SPARC: variants seen among roughly 807,000 people sequenced by gnomAD.
The protein encoded by SPARC is basement-membrane protein 40.
Under a neutral mutation model 37.7 loss-of-function variants are expected in SPARC, and 23 were observed. The observed-to-expected ratio is 0.61, with a 90% CI of 0.44 to 0.87. The LOEUF (loss-of-function observed/expected upper bound fraction) is 0.87, where lower values mean the gene tolerates loss of function less well. SPARC is among the 40% of genes least tolerant of loss of function. The probability of loss-of-function intolerance (pLI) is 0.00; values close to 1 mark genes in which losing one functional copy is unlikely to be tolerated. For synonymous variants in SPARC, 155 were observed against 150.8 expected (o/e 1.03, Z -0.20); for missense variants, 312 against 389.0 (o/e 0.80, Z 1.66).
At chr5:151,682,279 G>C (rs765348792) in intron 1 of SPARC, among the ~76,000 whole-genome samples, 1 of 152,204 alleles carries the variant, frequency 6.6e-6, no homozygotes, top group Non-Finnish European at 1.5e-5. Flanking sequence ...ATTCCATAAA[G>C]ACATCTGAGA....
chr5:151,678,713 G>C lies in SPARC; in HGVS notation c.-13-2512C>G, dbSNP rs545670285. Among the ~76,000 whole-genome samples the C allele has an allele frequency of 2.0e-3, 308 of 152,326 alleles. 1 individual carries two copies. Among genetic ancestry groups the C allele is most frequent in the Admixed American group, 5.4e-3 (82 of 15,306 alleles). ...AGGAATTACGCTCAGACAAGTGGGA[G>C]TGGGGGAGAAATGCAGAGAGACTGT... is the stretch of plus-strand genomic sequence containing the variant. On this transcript the variant is annotated intron_variant, in intron 1 of 9. Transcript: ENST00000231061.
chr5:151,673,848 C>G (rs962366062), intron 3 of SPARC, among the ~76,000 whole-genome samples: 3 of 152,150 alleles, frequency 2.0e-5, no homozygotes, highest in African/African-American at 7.2e-5. Context: ...GAGGCTGTGT[C>G]ACAGGCACAT....
At position 151,671,666 on chromosome 5, in the gene SPARC, G is replaced by A. The variant is rs202201103; in HGVS notation, c.237C>T (p.His79=). The A allele has an allele frequency of 2.3e-5, 37 of 1,613,532 alleles. No individual in the cohort carries two copies. The highest frequency in any genetic ancestry group is 3.3e-5 in the Admixed American group (2 of 59,992). ...ENPCQNHHCK[H]GKVCELDENN... ...TCTCATCCAGCTCGCACACCTTGCC[G>A]TGTTTGCAGTGGTGGTTCTGGCAGG... The change falls in exon 5 of 10, where the codon CAC becomes CAT. Residue 79 remains histidine (H), a synonymous_variant. Transcript: ENST00000231061.
chr5:151,678,536 G>A (rs748088871), intron 1 of SPARC, among the ~76,000 whole-genome samples: 1 of 152,202 alleles, frequency 6.6e-6, no homozygotes, highest in Non-Finnish European at 1.5e-5. Flanking sequence ...CTGGGAAGTA[G>A]GCAGACAGGC....
At chr5:151,678,244 A>G (rs1297143420) in intron 1 of SPARC, among the ~76,000 whole-genome samples, 2 of 152,222 alleles carry the variant, frequency 1.3e-5, no homozygotes, top group East Asian at 1.9e-4. Flanking sequence ...CAGATTAGAA[A>G]GACAGGAAGA....
rs761991056 is a variant in SPARC, at chr5:151,664,108, C to T, written c.862G>A (p.Gly288Ser). The change falls in exon 9 of 10, where the codon GGC becomes AGC. Residue 288 changes from glycine to serine, a missense_variant. Coordinates refer to ENST00000231061, the MANE Select transcript of SPARC (RefSeq NM_003118.4). ...DKYIALDEWA[G>S]CFGIKQKDID... Reference sequence around the variant, plus strand: ...TCACTCTGCTTGATGCCGAAGCAGCCGGCCCACTCATCCAGGGCGATGTAC... The same window carrying T: ...TCACTCTGCTTGATGCCGAAGCAGCTGGCCCACTCATCCAGGGCGATGTAC... The T allele has an allele frequency of 9.3e-6, 15 of 1,614,172 alleles. No individual in the cohort carries two copies. The highest frequency in any genetic ancestry group is 1.7e-4 in the Middle Eastern group (1 of 6,060).
At chr5:151,664,572 G>A (rs925772719) in intron 8 of SPARC, among the ~76,000 whole-genome samples, 9 of 152,176 alleles carry the variant, frequency 5.9e-5, no homozygotes, top group Admixed American at 1.3e-4. Context: ...GCTGAGAACT[G>A]GGGACACAGA....
At chr5:151,666,338 C>T in intron 8 of SPARC, 23 bp downstream of exon 8, 2 of 1,606,180 alleles carry the variant, frequency 1.2e-6, no homozygotes, top group Non-Finnish European at 1.7e-6. Flanking sequence ...GAGCTCTGTT[C>T]ACTCTAGGGT....
At position 151,664,327 on chromosome 5, in the gene SPARC, C is replaced by A. The variant is rs540025549; in HGVS notation, c.735-92G>T. 276 of 1,185,606 alleles carry A rather than the reference C, an allele frequency of 2.3e-4. 2 individuals are homozygous for A. Among genetic ancestry groups the A allele is most frequent in the Admixed American group, 9.7e-4 (48 of 49,654 alleles). The allele number at this position is 1,185,606 out of a possible 1,614,324, so 73.4% of individuals were successfully genotyped here. ...ACCGGGGAGTTAGCCTGCCCCAGAGCATGGAGGAAAGGATATTTAAAGCAG... is the reference window on the plus strand; with the variant it reads ...ACCGGGGAGTTAGCCTGCCCCAGAGAATGGAGGAAAGGATATTTAAAGCAG... On this transcript the variant is annotated intron_variant, in intron 8 of 9. Transcript: ENST00000231061.
chr5:151,684,221 G>T (rs1475491079), intron 1 of SPARC, among the ~76,000 whole-genome samples: 2 of 152,108 alleles, frequency 1.3e-5, no homozygotes, highest in Non-Finnish European at 2.9e-5. Context: ...GTGCAGTAAG[G>T]CGGTGTTAAA....
rs764857267 is a variant in SPARC at position 151,673,228 on chromosome 5, G to A, written c.121-12C>T. Reference sequence around the variant, plus strand: ...GCTCCCACAGATACCTGGAATTGAGGGAGAAGAATGGGTGAAATGGCCCCA... The same window carrying A: ...GCTCCCACAGATACCTGGAATTGAGAGAGAAGAATGGGTGAAATGGCCCCA... On this transcript the variant is annotated splice_polypyrimidine_tract_variant and intron_variant, in intron 3 of 9. Transcript: ENST00000231061. 7 of 1,582,618 alleles carry A rather than the reference G, an allele frequency of 4.4e-6. No homozygotes were observed. In the South Asian group the frequency reaches 7.7e-5, roughly 18 times the overall value.
At chr5:151,664,002 G>C (rs774508990) in intron 9 of SPARC, 85 bp downstream of exon 9, 5 of 1,499,656 alleles carry the variant, frequency 3.3e-6, no homozygotes, top group Non-Finnish European at 4.6e-6. Flanking sequence ...CAGACCAAGA[G>C]AGCGGAGAGT....
In SPARC at chr5:151,666,494, C is replaced by T. The variant is rs1760624090; in HGVS notation, c.601G>A (p.Glu201Lys). 3 of 1,614,080 alleles carry T rather than the reference C, an allele frequency of 1.9e-6. No individual in the cohort carries two copies. Among genetic ancestry groups the T allele is most frequent in the Non-Finnish European group, 2.5e-6 (3 of 1,179,970 alleles). Residue 201 changes from glutamate to lysine, a missense_variant, in exon 8 of 10, where the codon GAG becomes AAG. Physicochemically the swap from Glu to Lys is moderately conservative, Grantham distance 56 (BLOSUM62 1). Coordinates refer to ENST00000231061, the MANE Select transcript of SPARC (RefSeq NM_003118.4). ...KQKLRVKKIH[E>K]NEKRLEAGDH... ...CCTGCCTCCAGGCGCTTCTCATTCTCATGGATCTTCTTCACCTGAGGGAGT... is the reference window on the plus strand; with the variant it reads ...CCTGCCTCCAGGCGCTTCTCATTCTTATGGATCTTCTTCACCTGAGGGAGT...
At position 151,666,354 on chromosome 5, in the gene SPARC, G is replaced by A. The variant is rs554772252; in HGVS notation, c.734+7C>T. On this transcript the variant is annotated splice_region_variant and intron_variant, in intron 8 of 9. Transcript: ENST00000231061. ...AGCTCTGTTCACTCTAGGGTCTGGGGTCTTACCCGTCAATGGGGTGCTGGT... is the reference window on the plus strand; with the variant it reads ...AGCTCTGTTCACTCTAGGGTCTGGGATCTTACCCGTCAATGGGGTGCTGGT... The A allele has an allele frequency of 6.8e-6, 11 of 1,613,324 alleles. No individual in the cohort carries two copies. The African/African-American group carries it at 1.5e-4, about 22-fold the overall frequency.
chr5:151,671,434 G>T, intron 5 of SPARC, 139 bp downstream of exon 5: 1 of 1,029,632 alleles, frequency 9.7e-7, no homozygotes, highest in Non-Finnish European at 1.4e-6. Flanking sequence ...CCTCTTTCCT[G>T]CTGGGACTAG....
Position 151,673,191 on chromosome 5 carries a change from T to C in SPARC, c.146A>G (p.Gln49Arg). The change falls in exon 4 of 10, where the codon CAG becomes CGG. Residue 49 changes from glutamine to arginine, a missense_variant. Physicochemically the swap from Gln to Arg is conservative, Grantham distance 43. Transcript: ENST00000231061. ...ATCATCAAATTCTCCTACTTCCACC[T>C]GGACAGGATTAGCTCCCACAGATAC... Reference protein sequence around the residue: ...TEVSVGANPVQVEVGEFDDGA... With the variant: ...TEVSVGANPVRVEVGEFDDGA... 1.2e-6 allele frequency: 2 copies of C among 1,613,584 alleles called. No individual in the cohort carries two copies. Among genetic ancestry groups the C allele is most frequent in the Middle Eastern group, 1.7e-4 (1 of 6,060 alleles).
chr5:151,685,868 C>G (rs1002472453), intron 1 of SPARC: 1 of 152,234 alleles, frequency 6.6e-6, no homozygotes, highest in African/African-American at 2.4e-5. Flanking sequence ...CCAGTGCCCC[C>G]CTTCCCTTGG....
chr5:151,674,366 T>A (rs531539046), intron 3 of SPARC, among the ~76,000 whole-genome samples: 1 of 152,246 alleles, frequency 6.6e-6, no homozygotes, highest in East Asian at 1.9e-4. Context: ...GAACAACTGT[T>A]GCATAGCTTA....
intron 1 of SPARC, among the ~76,000 whole-genome samples, chr5:151,678,015 A>G (rs562092882): frequency 6.6e-6 from 1 of 152,306 alleles, no homozygotes; most frequent in East Asian, 1.9e-4. Flanking sequence ...CTTTTGGAAG[A>G]CGCAAGATAA....
Sources: allele counts gnomAD v4.1 joint callset (sites outside exome capture counted in the v4.1 genomes callset), GRCh38; gene constraint gnomAD v4.1.1; transcripts MANE v1.5; gene names NCBI Gene and HGNC (gene_info 2026-07-23, HGNC 2026-07-21).